APBA2: variants seen among roughly 807,000 people sequenced by gnomAD.
The protein encoded by APBA2 is amyloid-beta A4 precursor protein-binding family A member 2.
A neutral mutation model predicts 75.0 loss-of-function variants in APBA2; 30 were observed. That is an observed-to-expected ratio of 0.40 (90% confidence interval 0.30 to 0.54). The LOEUF (loss-of-function observed/expected upper bound fraction) is 0.54. Ranked by LOEUF, APBA2 falls within the 20% of genes least tolerant of loss-of-function variation. The pLI is 0.49. For synonymous variants in APBA2, 444 were observed against 409.6 expected, an observed-to-expected ratio of 1.08 and a Z score of -1.01; for missense variants, 801 against 1,016.1, an observed-to-expected ratio of 0.79 and a Z score of 2.88.
intron 4 of APBA2, among the ~76,000 whole-genome samples, chr15:29,057,774 C>T (rs891532264): frequency 6.6e-6 from 1 of 152,184 alleles, no homozygotes; most frequent in Non-Finnish European, 1.5e-5. Context: ...GGCATTTTCT[C>T]TTAGGTGTAA....
At chr15:28,951,180 A>T (rs1173153628) in intron 2 of APBA2, among the ~76,000 whole-genome samples, 1 of 152,256 alleles carries the variant, frequency 6.6e-6, no homozygotes, top group African/African-American at 2.4e-5. Flanking sequence ...TGTACTAGGT[A>T]TTATAAATAA....
rs149030629 is a variant in APBA2, at chr15:28,971,077, G to A, written c.-94-24676G>A. On this transcript the variant is annotated intron_variant, in intron 2 of 14. Coordinates refer to ENST00000683413, the MANE Select transcript of APBA2 (RefSeq NM_001353788.2). The stretch of plus-strand genomic sequence containing the variant: ...ATTTCACTCTCACCATGTAAATTGC[G>A]TTTTCTATTTTCATTTCATTTTATG... Among the ~76,000 whole-genome samples the A allele has an allele frequency of 8.7e-4, 132 of 152,170 alleles. 2 individuals are homozygous for A. Among genetic ancestry groups the A allele is most frequent in the Middle Eastern group, 3.4e-3 (1 of 292 alleles).
rs145452639 is a variant in APBA2 at position 28,975,220 on chromosome 15, A to C, written c.-94-20533A>C. Among the ~76,000 whole-genome samples, 44 of 144,446 alleles carry C rather than the reference A, an allele frequency of 3.0e-4. No individual in the cohort carries two copies. The East Asian group carries it at 8.5e-3, about 28-fold the overall frequency. 94.8% of individuals were successfully genotyped at this position (144,446 alleles called of 152,430 possible). On this transcript the variant is annotated intron_variant, in intron 2 of 14. Coordinates refer to ENST00000683413, the MANE Select transcript of APBA2 (RefSeq NM_001353788.2). ...CAGAAAGTTTTAAAAAAAAATTCCT[A>C]CTGGAAAAAAATTCAAATCTATATT... is the stretch of plus-strand genomic sequence containing the variant.
In APBA2 at chr15:29,046,109, A is replaced by G. The variant is rs1053210089; in HGVS notation, c.-40-7736A>G. Among the ~76,000 whole-genome samples, 13 of 152,184 alleles carry G rather than the reference A, an allele frequency of 8.5e-5. No individual in the cohort carries two copies. The highest frequency in any genetic ancestry group is 2.4e-4 in the African/African-American group (10 of 41,432). ...TTCAGGCACTAAAGGGCTTCCTGAA[A>G]AAGTTGCTTACACATTGAGGTGTGT... On this transcript the variant is annotated intron_variant, in intron 3 of 14. Transcript: ENST00000683413. The surrounding 1 kb of genome is among the most constrained non-coding windows in gnomAD (Gnocchi z 5.0).
At chr15:28,935,181 A>G (rs77112807) in intron 2 of APBA2, among the ~76,000 whole-genome samples, 9,639 of 152,226 alleles carry the variant, frequency 0.063, 664 homozygotes, top group East Asian at 0.34. Flanking sequence ...TACTCCCTAA[A>G]TCACAGGTCG....
intron 2 of APBA2, among the ~76,000 whole-genome samples, chr15:28,948,838 T>C (rs2035690734): frequency 6.6e-6 from 1 of 151,382 alleles, no homozygotes; most frequent in Admixed American, 6.6e-5. Context: ...ATCTTGAATG[T>C]CCCAGGCCAG....
rs550567617 is a variant in APBA2, at chr15:29,054,707, A to G, written c.823A>G (p.Ser275Gly). 90 of 1,613,780 alleles carry G rather than the reference A, an allele frequency of 5.6e-5. No homozygotes were observed. The South Asian group carries it at 9.1e-4, about 16-fold the overall frequency. Residue 275 changes from serine to glycine, a missense_variant, in exon 4 of 15, where the codon AGC (serine) becomes GGC (glycine). This residue lies in a region of APBA2 where 434 missense variants were observed against 471.6 expected (regional missense o/e 0.92). Coordinates refer to ENST00000683413, the MANE Select transcript of APBA2 (RefSeq NM_001353788.2). The surrounding 1 kb of genome is among the most constrained non-coding windows in gnomAD (Gnocchi z 6.1). ...ACCCATCAAGGCCAGCTGCAGCCCCAGCAGGCACGAGGCGAGGCCCAAGTC... is the reference window on the plus strand; with the variant it reads ...ACCCATCAAGGCCAGCTGCAGCCCCGGCAGGCACGAGGCGAGGCCCAAGTC... ...CPPIKASCSP[S>G]RHEARPKSLN...
chr15:28,897,495 A>G (rs144498428), intron 1 of APBA2, among the ~76,000 whole-genome samples: 81,704 of 151,366 alleles, frequency 0.54, 22,666 homozygotes, highest in African/African-American at 0.65. Flanking sequence ...GCGGGCGCCT[A>G]TAACCCCAGC....
At chr15:28,921,332 G>A (rs2152670279) in intron 1 of APBA2, among the ~76,000 whole-genome samples, 1 of 152,292 alleles carries the variant, frequency 6.6e-6, no homozygotes, top group Middle Eastern at 3.4e-3. Context: ...ATGCAGCTCT[G>A]CTACCTGTGG....
At chr15:29,039,612 C>T (rs2040931324) in intron 3 of APBA2, among the ~76,000 whole-genome samples, 1 of 152,206 alleles carries the variant, frequency 6.6e-6, no homozygotes. Context: ...TAGCATCCAA[C>T]CGGGGTTTAG....
intron 4 of APBA2, among the ~76,000 whole-genome samples, chr15:29,060,645 C>G (rs1355597167): frequency 6.6e-6 from 1 of 152,176 alleles, no homozygotes; most frequent in Non-Finnish European, 1.5e-5. Flanking sequence ...ACGGAAGCCT[C>G]CGGTCTGTAA....
chr15:28,942,860 G>A (rs1165843056), intron 2 of APBA2, among the ~76,000 whole-genome samples: 1 of 152,182 alleles, frequency 6.6e-6, no homozygotes, highest in African/African-American at 2.4e-5. Context: ...CCCCGGGCTG[G>A]GCCTGCGTTG....
intron 5 of APBA2, 30 bp downstream of exon 5, chr15:29,075,031 G>A (rs749969241): frequency 6.6e-7 from 1 of 1,508,038 alleles, no homozygotes; most frequent in Non-Finnish European, 9.2e-7. Context: ...AGAGTTCTGG[G>A]CTGGAACACT....
At chr15:29,027,758 C>T (rs4779699) in intron 3 of APBA2, among the ~76,000 whole-genome samples, 56,246 of 151,818 alleles carry the variant, frequency 0.37, 17,170 homozygotes, top group African/African-American at 0.81. Context: ...CCTGCCACCA[C>T]GCCTGGCTAA....
At chr15:28,967,355 T>A (rs1486765032) in intron 2 of APBA2, among the ~76,000 whole-genome samples, 1 of 152,248 alleles carries the variant, frequency 6.6e-6, no homozygotes, top group Non-Finnish European at 1.5e-5. Context: ...AAGCAGTCTA[T>A]ATCATCTTGC....
At chr15:28,981,520 A>G (rs2037620964) in intron 2 of APBA2, among the ~76,000 whole-genome samples, 1 of 152,216 alleles carries the variant, frequency 6.6e-6, no homozygotes, top group Non-Finnish European at 1.5e-5. Flanking sequence ...GTTGCTGGCA[A>G]GGCTCTGAGG....
At chr15:29,079,375 A>G (rs2042988413) in intron 6 of APBA2, among the ~76,000 whole-genome samples, 1 of 152,050 alleles carries the variant, frequency 6.6e-6, no homozygotes, top group Non-Finnish European at 1.5e-5. Context: ...GTTCCCTTGG[A>G]GTAGACGGCC....
At position 29,054,587 on chromosome 15, in the gene APBA2, A is replaced by G. The variant is rs1222564312; in HGVS notation, c.703A>G (p.Met235Val). 1.9e-6 allele frequency: 3 copies of G among 1,614,114 alleles called. No individual in the cohort carries two copies. Among genetic ancestry groups the G allele is most frequent in the African/African-American group, 1.3e-5 (1 of 75,060 alleles). ...DIDQIVAEIK[M>V]SLSMTSITSA... ...TGACCAGATCGTGGCAGAGATCAAG[A>G]TGAGTCTGAGCATGACCAGCATCAC... Residue 235 changes from methionine (M) to valine (V), a missense_variant, in exon 4 of 15, where the codon ATG becomes GTG. Physicochemically the swap from Met to Val is conservative, Grantham distance 21 (BLOSUM62 1). Transcript: ENST00000683413. This position sits in a 1 kb window ranked among gnomAD's most constrained non-coding sequence, Gnocchi z 6.1.
intron 4 of APBA2, among the ~76,000 whole-genome samples, chr15:29,072,619 CAG>C (rs1204696849): frequency 1.3e-5 from 2 of 152,202 alleles, no homozygotes; most frequent in East Asian, 3.9e-4. Flanking sequence ...TCTACTGCAA[CAG>C]AGTCTCGGGT....
Sources: allele counts gnomAD v4.1 joint callset (sites outside exome capture counted in the v4.1 genomes callset), GRCh38; gene constraint gnomAD v4.1.1; regional missense constraint gnomAD v4.1.1; non-coding constraint Gnocchi (gnomAD v3.1); transcripts MANE v1.5; gene names NCBI Gene and HGNC (gene_info 2026-07-23, HGNC 2026-07-21).